STAG1: variants seen among roughly 807,000 people sequenced by gnomAD.
STAG1 encodes the protein cohesin subunit SA-1.
STAG1 carries 26 observed loss-of-function variants against 170.9 expected under a neutral mutation model. The ratio of observed to expected loss-of-function variants is 0.15; its 90% CI spans 0.11 to 0.21. The LOEUF (loss-of-function observed/expected upper bound fraction) is 0.21. Ranked by LOEUF, STAG1 falls within the 10% of genes least tolerant of loss-of-function variation. The pLI, the probability that STAG1 is intolerant of heterozygous loss-of-function variation, is 1.00. For missense variants in STAG1, 964 were observed against 1,509.5 expected, an observed-to-expected ratio of 0.64 and a Z score of 5.99; for synonymous variants, 514 against 497.7, an observed-to-expected ratio of 1.03 and a Z score of -0.44.
chr3:136,611,892 G>A (rs976909796), intron 3 of STAG1, among the ~76,000 whole-genome samples: 3 of 151,638 alleles, frequency 2.0e-5, no homozygotes, highest in Admixed American at 6.6e-5. Context: ...CTGTCGCCCA[G>A]GCTGAAGTGC....
At chr3:136,548,233 C>T (rs1055463677) in intron 5 of STAG1, among the ~76,000 whole-genome samples, 3 of 151,956 alleles carry the variant, frequency 2.0e-5, no homozygotes, top group African/African-American at 7.2e-5. Flanking sequence ...CCCACCTCAC[C>T]TCCCAAGTAG....
chr3:136,723,994 C>T (rs1195094241), intron 1 of STAG1, among the ~76,000 whole-genome samples: 3 of 150,972 alleles, frequency 2.0e-5, no homozygotes, highest in Non-Finnish European at 4.4e-5. Flanking sequence ...GGTCAGCCCC[C>T]CGCACAGCCA....
intron 1 of STAG1, among the ~76,000 whole-genome samples, chr3:136,737,798 G>A (rs544074997): frequency 3.0e-3 from 454 of 152,288 alleles, no homozygotes; most frequent in Middle Eastern, 0.017. Flanking sequence ...GGCCAGGCGC[G>A]GTGGCTCACG....
At chr3:136,508,012 A>C (rs552506139) in intron 7 of STAG1, among the ~76,000 whole-genome samples, 1 of 152,338 alleles carries the variant, frequency 6.6e-6, no homozygotes, top group East Asian at 1.9e-4. Context: ...GTAGTGAAGT[A>C]GTAGAGACAG....
At chr3:136,355,616 A>C (rs1423303259) in intron 28 of STAG1, among the ~76,000 whole-genome samples, 1 of 152,102 alleles carries the variant, frequency 6.6e-6, no homozygotes, top group Admixed American at 6.6e-5. Context: ...CTCCAACCAA[A>C]ACCAGAATGG....
At position 136,435,403 on chromosome 3, in the gene STAG1, G is replaced by A. The variant is rs190144992; in HGVS notation, c.1547-1744C>T. Among the ~76,000 whole-genome samples, 230 of 152,220 alleles carry A rather than the reference G, an allele frequency of 1.5e-3. 1 individual carries two copies. The highest frequency in any genetic ancestry group is 2.7e-3 in the Non-Finnish European group (185 of 68,000). On this transcript the variant is annotated intron_variant, in intron 15 of 33. Coordinates refer to ENST00000383202, the MANE Select transcript of STAG1 (RefSeq NM_005862.3). ...TATGAACTCAGGTAGTTTGACCCCA[G>A]AGTCAGTTCTCTTAAGCACTACGCT...
At chr3:136,708,348 G>A (rs536755594) in intron 1 of STAG1, among the ~76,000 whole-genome samples, 29 of 151,864 alleles carry the variant, frequency 1.9e-4, no homozygotes, top group South Asian at 1.9e-3. Context: ...TTGAAAACAT[G>A]ACACTAAGTA....
chr3:136,451,113 A>C (rs1236941615), intron 14 of STAG1, among the ~76,000 whole-genome samples: 1 of 152,030 alleles, frequency 6.6e-6, no homozygotes, highest in Non-Finnish European at 1.5e-5. Flanking sequence ...CTTCAGGTTT[A>C]ATTTACTGTT....
intron 29 of STAG1, among the ~76,000 whole-genome samples, chr3:136,347,699 G>C (rs1355812521): frequency 6.6e-6 from 1 of 152,194 alleles, no homozygotes; most frequent in Non-Finnish European, 1.5e-5. Context: ...ACTGATGCTA[G>C]ATAGATATGA....
intron 16 of STAG1, among the ~76,000 whole-genome samples, chr3:136,426,650 G>A (rs1386677913): frequency 6.6e-6 from 1 of 151,952 alleles, no homozygotes; most frequent in East Asian, 1.9e-4. Flanking sequence ...TAAAGATACA[G>A]TATCGTGGCT....
intron 28 of STAG1, 116 bp downstream of exon 28, chr3:136,357,604 A>G: frequency 3.9e-6 from 3 of 775,638 alleles, no homozygotes; most frequent in South Asian, 4.4e-5. Flanking sequence ...AAAACAAACT[A>G]TCAGAGCCTA....
intron 7 of STAG1, among the ~76,000 whole-genome samples, chr3:136,507,017 G>A (rs576412771): frequency 1.3e-5 from 2 of 152,266 alleles, no homozygotes; most frequent in South Asian, 4.1e-4. Flanking sequence ...ACTCTTCCAA[G>A]CCGTATAAAC....
intron 6 of STAG1, among the ~76,000 whole-genome samples, chr3:136,530,115 C>T (rs560020400): frequency 6.6e-6 from 1 of 151,926 alleles, no homozygotes; most frequent in Non-Finnish European, 1.5e-5. Context: ...ACAAACTGTA[C>T]ATCAAAAACA....
At chr3:136,485,040 C>A (rs1021031382) in intron 9 of STAG1, among the ~76,000 whole-genome samples, 5 of 152,176 alleles carry the variant, frequency 3.3e-5, no homozygotes, top group Non-Finnish European at 2.9e-5. Flanking sequence ...CCGTCTTCTG[C>A]GTCGCTCACG....
chr3:136,336,993 A>G lies in STAG1; in HGVS notation c.*1261T>C, dbSNP rs1340834454. ...GACTAAGTGGGGTTTTTAAAACAAT[A>G]GCAGCAAGTCATAAAAGTCTAGGCA... On this transcript the variant is annotated 3_prime_UTR_variant, in exon 34 of 34. Transcript: ENST00000383202. The G allele has an allele frequency of 6.6e-6, 1 of 152,380 alleles. No individual in the cohort carries two copies. The highest frequency in any genetic ancestry group is 1.5e-5 in the Non-Finnish European group (1 of 68,030). 9.4% of individuals were successfully genotyped at this position (152,380 alleles called of 1,614,324 possible).
At chr3:136,548,115 T>C (rs1027103629) in intron 5 of STAG1, among the ~76,000 whole-genome samples, 1 of 149,418 alleles carries the variant, frequency 6.7e-6, no homozygotes, top group Non-Finnish European at 1.5e-5. Context: ...AACTGTTTTG[T>C]TTTGTTTTTT....
At chr3:136,751,737 G>A (rs935171024) in intron 1 of STAG1, among the ~76,000 whole-genome samples, 2 of 151,832 alleles carry the variant, frequency 1.3e-5, no homozygotes, top group Non-Finnish European at 1.5e-5. Context: ...GTCGGCAGGC[G>A]GCGGAAGGCA....
rs1576785039 is a variant in STAG1 at position 136,702,173 on chromosome 3, G to GAT, written c.-84+50021_-84+50022insAT. On this transcript the variant is annotated intron_variant, in intron 1 of 33. Transcript: ENST00000383202. Reference sequence around the variant, plus strand: ...AGAGAGACAGAGAGAATGAGAATGTGGTGTGTGTGTAAAGACATGATCTCA... The same window carrying GAT: ...AGAGAGACAGAGAGAATGAGAATGTGATGTGTGTGTGTAAAGACATGATCTCA... Among the ~76,000 whole-genome samples the GAT allele has an allele frequency of 1.6e-4, 4 of 24,772 alleles. No homozygotes were observed. In the African/African-American group the frequency reaches 7.3e-3, roughly 45 times the overall value. The allele number at this position is 24,772 out of a possible 152,430, so 16.3% of individuals were successfully genotyped here.
chr3:136,640,471 C>T lies in STAG1; in HGVS notation c.-83-9490G>A, dbSNP rs910114516. ...GCAACCTCCACCTCCCGGGTTCAAG[C>T]GATTCTCCTGCCTCAGCCTCCTGAG... is the stretch of plus-strand genomic sequence containing the variant. On this transcript the variant is annotated intron_variant, in intron 1 of 33. Transcript: ENST00000383202. Among the ~76,000 whole-genome samples the T allele has an allele frequency of 2.9e-4, 44 of 151,538 alleles. 1 individual carries two copies. Among genetic ancestry groups the T allele is most frequent in the African/African-American group, 1.0e-3 (43 of 41,272 alleles).
Sources: allele counts gnomAD v4.1 joint callset (sites outside exome capture counted in the v4.1 genomes callset), GRCh38; gene constraint gnomAD v4.1.1; transcripts MANE v1.5; gene names NCBI Gene and HGNC (gene_info 2026-07-23, HGNC 2026-07-21).